The following CLDN14 variants were observed in gnomAD, a reference collection of about 807,000 sequenced individuals.
The protein encoded by CLDN14 is claudin 14.
A neutral mutation model predicts 2.1 loss-of-function variants in CLDN14; 2 were observed. The observed-to-expected ratio is 0.96, with a 90% confidence interval of 0.39 to 3.01. The LOEUF (loss-of-function observed/expected upper bound fraction) is 3.01. CLDN14 is among the 30% of genes most tolerant of loss of function. The pLI, the probability that CLDN14 is intolerant of heterozygous loss-of-function variation, is 0.09. For missense variants in CLDN14, 298 were observed against 328.0 expected (o/e 0.91, Z 0.71); for synonymous variants, 136 against 154.4 (o/e 0.88, Z 0.88).
chr21:36,541,274 C>A (rs1213584679), intron 1 of CLDN14, among the ~76,000 whole-genome samples: 2 of 152,166 alleles, frequency 1.3e-5, no homozygotes, highest in Non-Finnish European at 2.9e-5. Flanking sequence ...AAGCTCTGTG[C>A]ATTTACCTTG....
intron 1 of CLDN14, among the ~76,000 whole-genome samples, chr21:36,562,805 G>A (rs1437516111): frequency 2.6e-5 from 4 of 151,918 alleles, no homozygotes; most frequent in African/African-American, 4.8e-5. Context: ...ACAGTCAAGC[G>A]GTGTAGTTTT....
chr21:36,547,338 A>T (rs1365569614), intron 1 of CLDN14, among the ~76,000 whole-genome samples: 1 of 152,208 alleles, frequency 6.6e-6, no homozygotes, highest in Non-Finnish European at 1.5e-5. Context: ...TAATGCATGC[A>T]GGTCTTACCT....
intron 1 of CLDN14, among the ~76,000 whole-genome samples, chr21:36,519,110 G>A (rs931673576): frequency 1.3e-5 from 2 of 152,184 alleles, no homozygotes; most frequent in Admixed American, 1.3e-4. Context: ...AGAACAGGAA[G>A]GGGTCATCTA....
chr21:36,543,929 G>A (rs993442219), intron 1 of CLDN14, among the ~76,000 whole-genome samples: 17 of 152,244 alleles, frequency 1.1e-4, no homozygotes, highest in African/African-American at 4.1e-4. Flanking sequence ...GTGGGAGAGA[G>A]CGTGCATGAT....
At chr21:36,542,781 G>A (rs2146511941) in intron 1 of CLDN14, 1 of 152,462 alleles carries the variant, frequency 6.6e-6, no homozygotes, top group Non-Finnish European at 1.5e-5. Flanking sequence ...CCAGCGCGAT[G>A]AATAATTGAG....
At chr21:36,489,146 A>ATG (rs2086934639) in intron 2 of CLDN14, among the ~76,000 whole-genome samples, 3 of 136,030 alleles carry the variant, frequency 2.2e-5, no homozygotes, top group Admixed American at 7.4e-5. Flanking sequence ...ATATATATAT[A>ATG]TATATATATA....
chr21:36,537,793 G>A (rs895245831), intron 1 of CLDN14, among the ~76,000 whole-genome samples: 1 of 152,054 alleles, frequency 6.6e-6, no homozygotes, highest in South Asian at 2.1e-4. Flanking sequence ...GGCGTTACAG[G>A]TGCGTGCCTC....
At chr21:36,512,630 G>C (rs1444865988) in intron 1 of CLDN14, among the ~76,000 whole-genome samples, 3 of 152,204 alleles carry the variant, frequency 2.0e-5, no homozygotes, top group Non-Finnish European at 4.4e-5. Flanking sequence ...AGCAGAACAA[G>C]ACACCATCTA....
intron 2 of CLDN14, chr21:36,486,761 C>T (rs536923329): frequency 1.4e-5 from 12 of 874,714 alleles, no homozygotes; most frequent in African/African-American, 8.2e-5. Flanking sequence ...GGGCTTCCCA[C>T]GAAGGCAATG....
chr21:36,538,949 C>T (rs1037345592), intron 1 of CLDN14, among the ~76,000 whole-genome samples: 27 of 152,150 alleles, frequency 1.8e-4, no homozygotes, highest in African/African-American at 2.4e-4. Flanking sequence ...CGCCCCTGCC[C>T]GGCACACCCA....
rs1252665908 is a variant in CLDN14 at position 36,557,491 on chromosome 21, G to T, written c.-220+18920C>A. 2.6e-5 allele frequency among the ~76,000 whole-genome samples: 4 copies of T among 152,090 alleles called. No homozygotes were observed. The East Asian group carries it at 7.7e-4, about 29-fold the overall frequency. On this transcript the variant is annotated intron_variant, in intron 1 of 2. Coordinates refer to the CLDN14 transcript ENST00000342108. Reference sequence around the variant, plus strand: ...AAAATGCCATCCTAGTAGATGTGAGGTAATATCTCATTGTGGTTTTGATTC... The same window carrying T: ...AAAATGCCATCCTAGTAGATGTGAGTTAATATCTCATTGTGGTTTTGATTC...
chr21:36,560,308 T>C (rs1396359339), intron 1 of CLDN14, among the ~76,000 whole-genome samples: 1 of 152,042 alleles, frequency 6.6e-6, no homozygotes, highest in Non-Finnish European at 1.5e-5. Context: ...TATTTTTAGA[T>C]GAAAAATCAA....
chr21:36,554,340 T>C (rs372011596), intron 1 of CLDN14, among the ~76,000 whole-genome samples: 28 of 152,276 alleles, frequency 1.8e-4, no homozygotes, highest in East Asian at 9.7e-4. Context: ...GCCTGGTCCC[T>C]GGCGCTCCAG....
rs142289792 is a variant in CLDN14, at chr21:36,546,000, G to A, written c.-220+30411C>T. 1.7e-3 allele frequency among the ~76,000 whole-genome samples: 253 copies of A among 152,272 alleles called. 1 individual carries two copies. The highest frequency in any genetic ancestry group is 5.8e-3 in the African/African-American group (243 of 41,554). On this transcript the variant is annotated intron_variant, in intron 1 of 2. Transcript: ENST00000342108. The stretch of plus-strand genomic sequence containing the variant: ...TGTGGTGGCCTCAATGGGTCCTCCC[G>A]CCCAACAGCTGCCTTTCAGGAAACA...
In CLDN14 at chr21:36,544,849, A is replaced by G. The variant is rs2087516612; in HGVS notation, c.-220+31562T>C. ...TGAAAACAATTAGGACGACAAATTTACTAATTGCTGAAAGTAACTTAATAA... is the reference window on the plus strand; with the variant it reads ...TGAAAACAATTAGGACGACAAATTTGCTAATTGCTGAAAGTAACTTAATAA... On this transcript the variant is annotated intron_variant, in intron 1 of 2. Coordinates refer to the CLDN14 transcript ENST00000342108. This position sits in a 1 kb window ranked among gnomAD's most constrained non-coding sequence, Gnocchi z 4.1. 6.6e-6 allele frequency among the ~76,000 whole-genome samples: 1 copy of G among 152,246 alleles called. No individual in the cohort carries two copies. Among genetic ancestry groups the G allele is most frequent in the Non-Finnish European group, 1.5e-5 (1 of 68,050 alleles).
chr21:36,460,966 C>G lies in CLDN14; in HGVS notation c.*10G>C, dbSNP rs139628442. The G allele has an allele frequency of 3.9e-3, 6,241 of 1,611,408 alleles. 15 individuals carry two copies. Among genetic ancestry groups the G allele is most frequent in the Non-Finnish European group, 4.6e-3 (5,459 of 1,179,390 alleles). On this transcript the variant is annotated 3_prime_UTR_variant, in exon 2 of 2. Transcript: ENST00000399135. The surrounding 1 kb of genome is among the most constrained non-coding windows in gnomAD (Gnocchi z 4.0). ...CACAGCAGCCCAGGGGAGAAGCAGG[C>G]TGTGGGGACTCACACGTAGTCGTTC...
chr21:36,501,277 C>T (rs574953099), intron 2 of CLDN14, among the ~76,000 whole-genome samples: 1 of 144,972 alleles, frequency 6.9e-6, no homozygotes, highest in South Asian at 2.2e-4. Flanking sequence ...TTTATATTGC[C>T]ACATCTGCAG....
chr21:36,477,358 C>T (rs941129551), intron 1 of CLDN14: 11 of 152,306 alleles, frequency 7.2e-5, no homozygotes, highest in African/African-American at 2.6e-4. Context: ...AATATGGTTT[C>T]ATATGTTTAC....
chr21:36,485,096 A>C (rs2086881907), upstream of CLDN14, among the ~76,000 whole-genome samples: 3 of 151,630 alleles, frequency 2.0e-5, no homozygotes, highest in Admixed American at 1.3e-4. Context: ...ATTCACAGGC[A>C]CCAGAAGGTA....
Sources: allele counts gnomAD v4.1 joint callset (sites outside exome capture counted in the v4.1 genomes callset), GRCh38; gene constraint gnomAD v4.1.1; non-coding constraint Gnocchi (gnomAD v3.1); transcripts MANE v1.5; gene names NCBI Gene and HGNC (gene_info 2026-07-23, HGNC 2026-07-21).